Variants in FMNL2 observed in about 807,000 individuals in gnomAD.
FMNL2 encodes the protein formin like 2.
FMNL2 carries 51 observed loss-of-function variants against 130.2 expected under a neutral mutation model. The ratio of observed to expected loss-of-function variants is 0.39; its 90% CI spans 0.31 to 0.49. FMNL2 has a LOEUF of 0.49. Among genes scored for constraint, FMNL2 ranks in the 20% least tolerant of loss-of-function variants. FMNL2 has a pLI of 0.85. For synonymous variants in FMNL2, 465 were observed against 467.1 expected, an observed-to-expected ratio of 1.00 and a Z score of 0.06; for missense variants, 977 against 1,316.2, an observed-to-expected ratio of 0.74 and a Z score of 3.99.
chr2:152,558,366 C>T (rs1423329926), intron 4 of FMNL2, among the ~76,000 whole-genome samples: 3 of 152,156 alleles, frequency 2.0e-5, no homozygotes, highest in African/African-American at 7.2e-5. Context: ...CCCCATCTGC[C>T]TCATTGTCCA....
chr2:152,390,334 C>G, intron 1 of FMNL2: 1 of 1,185,312 alleles, frequency 8.4e-7, no homozygotes, highest in South Asian at 1.2e-5. Context: ...GGGGAGAGCT[C>G]GTGGCTCATT....
intron 1 of FMNL2, among the ~76,000 whole-genome samples, chr2:152,486,374 G>A (rs2105260564): frequency 6.6e-6 from 1 of 152,260 alleles, no homozygotes; most frequent in African/African-American, 2.4e-5. Context: ...TAGCTGGGTT[G>A]GTTAATAGAC....
At chr2:152,596,577 G>T (rs1697783313) in intron 9 of FMNL2, among the ~76,000 whole-genome samples, 1 of 152,172 alleles carries the variant, frequency 6.6e-6, no homozygotes, top group Non-Finnish European at 1.5e-5. Flanking sequence ...TCCCTAAAGA[G>T]CTTTTGTTTA....
intron 1 of FMNL2, among the ~76,000 whole-genome samples, chr2:152,455,898 A>T (rs1042983167): frequency 2.0e-5 from 3 of 152,138 alleles, no homozygotes; most frequent in Admixed American, 6.5e-5. Flanking sequence ...AAATTTTTGT[A>T]GAGACGGGGT....
At chr2:152,534,576 T>C (rs1258408149) in intron 2 of FMNL2, among the ~76,000 whole-genome samples, 2 of 151,672 alleles carry the variant, frequency 1.3e-5, no homozygotes, top group African/African-American at 2.4e-5. Context: ...TTTTTTTTTT[T>C]TTTTTTCCTG....
intron 3 of FMNL2, among the ~76,000 whole-genome samples, chr2:152,543,194 A>G (rs1694407168): frequency 6.6e-6 from 1 of 152,178 alleles, no homozygotes. Context: ...AGACCTTGAA[A>G]AATCACTGGG....
chr2:152,466,437 A>C (rs754740348), intron 1 of FMNL2, among the ~76,000 whole-genome samples: 2 of 152,100 alleles, frequency 1.3e-5, no homozygotes, highest in Admixed American at 1.3e-4. Context: ...AAGTATCTGG[A>C]ATTCTCTTCT....
At chr2:152,617,221 T>C in intron 13 of FMNL2, 29 bp downstream of exon 13, 1 of 1,600,312 alleles carries the variant, frequency 6.2e-7, no homozygotes. Context: ...ACTGCCCAGA[T>C]GGGCACGGTA....
At chr2:152,598,419 T>C (rs1697876955) in intron 9 of FMNL2, among the ~76,000 whole-genome samples, 1 of 152,204 alleles carries the variant, frequency 6.6e-6, no homozygotes, top group South Asian at 2.1e-4. Flanking sequence ...CTGGGTGCGG[T>C]GGCTCATGCC....
chr2:152,490,569 ATGTGTGTGTGTGTGTGTG>A (rs58838989), intron 1 of FMNL2, among the ~76,000 whole-genome samples: 27 of 108,562 alleles, frequency 2.5e-4, no homozygotes, highest in African/African-American at 4.8e-4. Flanking sequence ...TTGCTATCCA[ATGTGTGTGTGTGTGTGTG>A]TGTGTGTGTG....
intron 2 of FMNL2, among the ~76,000 whole-genome samples, chr2:152,531,598 C>G (rs1325631079): frequency 6.6e-6 from 1 of 151,896 alleles, no homozygotes; most frequent in African/African-American, 2.4e-5. Flanking sequence ...CCTCCTGCCT[C>G]CCGAGTAGCT....
At chr2:152,617,915 CAT>C (rs1699039654) in intron 13 of FMNL2, among the ~76,000 whole-genome samples, 1 of 152,220 alleles carries the variant, frequency 6.6e-6, no homozygotes, top group South Asian at 2.1e-4. Context: ...GATATCCTGA[CAT>C]GTCCTACAGT....
At chr2:152,424,394 CTTT>C (rs201404421) in intron 1 of FMNL2, among the ~76,000 whole-genome samples, 1 of 142,130 alleles carries the variant, frequency 7.0e-6, no homozygotes. Context: ...GGCCTACCAT[CTTT>C]TTTTTTTTTT....
At chr2:152,344,849 A>G (rs1255820781) in intron 1 of FMNL2, among the ~76,000 whole-genome samples, 1 of 152,256 alleles carries the variant, frequency 6.6e-6, no homozygotes, top group African/African-American at 2.4e-5. Flanking sequence ...TGTAAACAAC[A>G]TTCATTTATT....
intron 1 of FMNL2, among the ~76,000 whole-genome samples, chr2:152,516,942 C>G (rs184733704): frequency 3.4e-4 from 51 of 151,976 alleles, no homozygotes; most frequent in Admixed American, 2.0e-3. Context: ...TTTCTATTTT[C>G]AAAAGGTTCT....
At chr2:152,371,714 G>A (rs1169382550) in intron 1 of FMNL2, among the ~76,000 whole-genome samples, 2 of 151,912 alleles carry the variant, frequency 1.3e-5, no homozygotes, top group East Asian at 1.9e-4. Context: ...CCCTAATGTG[G>A]TGGTATTGAT....
chr2:152,614,971 G>A lies in FMNL2; in HGVS notation c.1183G>A (p.Val395Met). The change falls in exon 12 of 26, where the codon GTG (valine) becomes ATG (methionine). Residue 395 changes from valine to methionine, a missense_variant. Val to Met is a conservative substitution (Grantham distance 21). Transcript: ENST00000288670. Reference sequence around the variant, plus strand: ...AACTAAGAATGCTGCCTTGGAGAGGGTGGAAGAACTGGAAGAAAACATTTC... The same window carrying A: ...AACTAAGAATGCTGCCTTGGAGAGGATGGAAGAACTGGAAGAAAACATTTC... ...AETKNAALER[V>M]EELEENISHL... 6.2e-7 allele frequency: 1 copy of A among 1,611,860 alleles called. No individual in the cohort carries two copies. Among genetic ancestry groups the A allele is most frequent in the South Asian group, 1.1e-5 (1 of 90,644 alleles).
At chr2:152,431,255 C>T (rs2106089690) in intron 1 of FMNL2, among the ~76,000 whole-genome samples, 1 of 152,238 alleles carries the variant, frequency 6.6e-6, no homozygotes, top group South Asian at 2.1e-4. Context: ...TAATCCCTAC[C>T]CTCATAGGCT....
At chr2:152,348,430 A>T (rs976109158) in intron 1 of FMNL2, among the ~76,000 whole-genome samples, 4 of 152,168 alleles carry the variant, frequency 2.6e-5, no homozygotes, top group Non-Finnish European at 4.4e-5. Context: ...TGCTGACTTG[A>T]TAAGGGAACG....
Sources: allele counts gnomAD v4.1 joint callset (sites outside exome capture counted in the v4.1 genomes callset), GRCh38; gene constraint gnomAD v4.1.1; transcripts MANE v1.5; gene names NCBI Gene and HGNC (gene_info 2026-07-23, HGNC 2026-07-21).